SRXN1: variants seen among roughly 807,000 people sequenced by gnomAD.
SRXN1 encodes sulfiredoxin 1, also known as sulfiredoxin-1.
A neutral mutation model predicts 11.0 loss-of-function variants in SRXN1; 11 were observed. The ratio of observed to expected loss-of-function variants is 1.00; its 90% CI spans 0.63 to 1.65. The LOEUF (loss-of-function observed/expected upper bound fraction) is 1.65, where lower values mean the gene tolerates loss of function less well. Among genes scored for constraint, SRXN1 ranks in the 40% most tolerant of loss-of-function variants. SRXN1 has a pLI of 0.00. For synonymous variants in SRXN1, 106 were observed against 92.8 expected, an observed-to-expected ratio of 1.14 and a Z score of -0.82; for missense variants, 211 against 194.5, an observed-to-expected ratio of 1.08 and a Z score of -0.50.
chr20:652,439 T>C (rs1218047267), intron 1 of SRXN1, among the ~76,000 whole-genome samples: 1 of 152,092 alleles, frequency 6.6e-6, no homozygotes, highest in Non-Finnish European at 1.5e-5. Flanking sequence ...CCACTTCCCA[T>C]TCAGACAAGG....
rs995448473 is a variant in SRXN1, at chr20:648,640, G to T, written c.*74C>A. 1.9e-6 allele frequency: 3 copies of T among 1,543,804 alleles called. No individual in the cohort carries two copies. Among genetic ancestry groups the T allele is most frequent in the Non-Finnish European group, 8.9e-7 (1 of 1,120,750 alleles). On this transcript the variant is annotated 3_prime_UTR_variant, in exon 2 of 2. Transcript: ENST00000381962. ...AGAATGCACCCCTGCTATCCCTTCT[G>T]CATGGCCCAGCCTGCTGGAGGCCAG...
chr20:648,880 C>T lies in SRXN1; in HGVS notation c.248G>A (p.Trp83Ter). ...GTCACCTCCCTGGGCCCCTTTGATC[C>T]AGAGGACATCGATGGGGGGCACGCT... ...PDSVPPIDVL[W>*]IKGAQGGDYF... Residue 83 changes from tryptophan to a stop codon, truncating the protein, a stop_gained, in exon 2 of 2, where the codon TGG (tryptophan) becomes TAG (stop). Coordinates refer to ENST00000381962, the MANE Select transcript of SRXN1 (RefSeq NM_080725.3). LOFTEE classifies it high-confidence loss of function. 6.2e-7 allele frequency: 1 copy of T among 1,614,190 alleles called. No individual in the cohort carries two copies. Among genetic ancestry groups the T allele is most frequent in the South Asian group, 1.1e-5 (1 of 91,090 alleles).
In SRXN1 at chr20:647,769, A is replaced by T. The variant is rs766340714; in HGVS notation, c.*945T>A. The T allele has an allele frequency of 8.8e-6, 3 of 341,336 alleles. No homozygotes were observed. Among genetic ancestry groups the T allele is most frequent in the Non-Finnish European group, 1.7e-5 (3 of 174,608 alleles). The allele number at this position is 341,336 out of a possible 1,614,324, so 21.1% of individuals were successfully genotyped here. On this transcript the variant is annotated 3_prime_UTR_variant, in exon 2 of 2. Transcript: ENST00000381962. ...CCAGCCCAAATTGCCAACCCATAGGATTGTGGGAAAATACAGGGTTTGTTT... is the reference window on the plus strand; with the variant it reads ...CCAGCCCAAATTGCCAACCCATAGGTTTGTGGGAAAATACAGGGTTTGTTT...
intron 1 of SRXN1, among the ~76,000 whole-genome samples, chr20:652,458 G>A (rs1382987599): frequency 1.3e-5 from 2 of 152,134 alleles, no homozygotes; most frequent in Non-Finnish European, 2.9e-5. Flanking sequence ...GGGCCTCCCA[G>A]CAGATATGAC....
chr20:652,180 G>A (rs1017293418), intron 1 of SRXN1, among the ~76,000 whole-genome samples: 3 of 152,122 alleles, frequency 2.0e-5, no homozygotes, highest in African/African-American at 7.2e-5. Flanking sequence ...GTTGTCTGGG[G>A]AAGTGGCTCC....
intron 1 of SRXN1, among the ~76,000 whole-genome samples, chr20:650,315 G>A (rs761102794): frequency 2.0e-5 from 3 of 152,200 alleles, no homozygotes; most frequent in Non-Finnish European, 4.4e-5. Context: ...TGGTGTGGTG[G>A]GGACAGGGAG....
In SRXN1 at chr20:648,018, G is replaced by A. The variant is rs1184838161; in HGVS notation, c.*696C>T. 2.2e-6 allele frequency: 1 copy of A among 452,978 alleles called. No homozygotes were observed. Among genetic ancestry groups the A allele is most frequent in the Non-Finnish European group, 4.4e-6 (1 of 224,808 alleles). The allele number at this position is 452,978 out of a possible 1,614,324, so 28.1% of individuals were successfully genotyped here. ...GCAATGGTAGCTGGCTCGGGCCAAG[G>A]GCATCTAAGTGAAGATATGCAGAGG... On this transcript the variant is annotated 3_prime_UTR_variant, in exon 2 of 2. Transcript: ENST00000381962.
chr20:652,624 G>T (rs887980209), intron 1 of SRXN1, among the ~76,000 whole-genome samples: 1 of 152,122 alleles, frequency 6.6e-6, no homozygotes, highest in South Asian at 2.1e-4. Flanking sequence ...TAGTCAAGCC[G>T]CTGAAATCTT....
In SRXN1 at chr20:648,968, T is replaced by C; in HGVS notation, c.211-51A>G. 1.9e-6 allele frequency: 3 copies of C among 1,594,460 alleles called. No individual in the cohort carries two copies. In the South Asian group the frequency reaches 3.3e-5, roughly 18 times the overall value. ...TGGACATGGTACAAGGCTTGAGAGT[T>C]TGTAAAGCAGACTTTGTCCACTTGT... is the stretch of plus-strand genomic sequence containing the variant. On this transcript the variant is annotated intron_variant, in intron 1 of 1. Coordinates refer to ENST00000381962, the MANE Select transcript of SRXN1 (RefSeq NM_080725.3).
At chr20:652,159 C>G (rs1315314135) in intron 1 of SRXN1, among the ~76,000 whole-genome samples, 1 of 152,110 alleles carries the variant, frequency 6.6e-6, no homozygotes, top group Admixed American at 6.5e-5. Flanking sequence ...GGCAGGGGAG[C>G]AGGCCCTGTG....
intron 1 of SRXN1, 40 bp downstream of exon 1, chr20:652,936 A>G: frequency 7.3e-7 from 1 of 1,375,728 alleles, no homozygotes; most frequent in Non-Finnish European, 9.5e-7. Context: ...CCCTCCTCCG[A>G]AGCCCTCCCT....
At chr20:650,475 A>G (rs567375856) in intron 1 of SRXN1, among the ~76,000 whole-genome samples, 65 of 152,292 alleles carry the variant, frequency 4.3e-4, no homozygotes, top group Middle Eastern at 3.4e-3. Flanking sequence ...TCCTCTAAAC[A>G]GGGAAAGTCT....
rs1159797873 is a variant in SRXN1, at chr20:648,330, C to T, written c.*384G>A. The T allele has an allele frequency of 2.1e-6, 1 of 468,130 alleles. No homozygotes were observed. The highest frequency in any genetic ancestry group is 2.3e-5 in the Admixed American group (1 of 42,888). The allele number at this position is 468,130 out of a possible 1,614,324, so 29.0% of individuals were successfully genotyped here. On this transcript the variant is annotated 3_prime_UTR_variant, in exon 2 of 2. Coordinates refer to ENST00000381962, the MANE Select transcript of SRXN1 (RefSeq NM_080725.3). The stretch of plus-strand genomic sequence containing the variant: ...AAAAACAATCTTCTGTTTGTTTAAA[C>T]CACTGCAATCAAGGTTTTCCTTTCC...
rs6139843 is a variant in SRXN1, at chr20:653,051, C to T, written c.135G>A (p.Pro45=). The change falls in exon 1 of 2, where the codon CCG becomes CCA. Residue 45 remains proline, a synonymous_variant. Coordinates refer to ENST00000381962, the MANE Select transcript of SRXN1 (RefSeq NM_080725.3). ...SGRIAAVHNV[P]LSVLIRPLPS... ...GCAGCGGCCGGATGAGCACGCTCAG[C>T]GGCACGTTGTGCACCGCGGCGATGC... The T allele has an allele frequency of 6.4e-7, 1 of 1,559,894 alleles. No homozygotes were observed. The highest frequency in any genetic ancestry group is 2.4e-5 in the East Asian group (1 of 41,338).
rs969706909 is a variant in SRXN1 at position 646,917 on chromosome 20, C to G, written c.*1797G>C. On this transcript the variant is annotated 3_prime_UTR_variant, in exon 2 of 2. Coordinates refer to ENST00000381962, the MANE Select transcript of SRXN1 (RefSeq NM_080725.3). ...CCTTTTCAATTCTATTACTGGTCAC[C>G]TCAGTCAACTTTCCCGGGGAAAGAG... The G allele has an allele frequency of 1.3e-5, 2 of 152,226 alleles. No individual in the cohort carries two copies. The highest frequency in any genetic ancestry group is 2.9e-5 in the Non-Finnish European group (2 of 68,052). The allele number at this position is 152,226 out of a possible 1,614,324, so 9.4% of individuals were successfully genotyped here. A position where few individuals can be genotyped will look rare whatever the true frequency, so the allele number is the denominator to read the frequency against.
chr20:648,506 C>T lies in SRXN1; in HGVS notation c.*208G>A. 1 of 659,640 alleles carries T rather than the reference C, an allele frequency of 1.5e-6. No individual in the cohort carries two copies. The highest frequency in any genetic ancestry group is 2.8e-5 in the East Asian group (1 of 36,072). 40.9% of individuals were successfully genotyped at this position (659,640 alleles called of 1,614,324 possible). A position where few individuals can be genotyped will look rare whatever the true frequency, so the allele number is the denominator to read the frequency against. ...ATGCTTCAAGGGTAAGGCCATGATC[C>T]TATTGTCACAGAGGTGGGAACTGGG... On this transcript the variant is annotated 3_prime_UTR_variant, in exon 2 of 2. Coordinates refer to ENST00000381962, the MANE Select transcript of SRXN1 (RefSeq NM_080725.3).
chr20:650,576 C>G (rs935046253), intron 1 of SRXN1, among the ~76,000 whole-genome samples: 10 of 152,194 alleles, frequency 6.6e-5, no homozygotes, highest in Admixed American at 6.5e-4. Context: ...TCCACGGGTT[C>G]TCTCTCATGA....
chr20:648,607 G>A lies in SRXN1; in HGVS notation c.*107C>T, dbSNP rs1039372651. 1.6e-6 allele frequency: 2 copies of A among 1,282,690 alleles called. No individual in the cohort carries two copies. Among genetic ancestry groups the A allele is most frequent in the Non-Finnish European group, 2.2e-6 (2 of 898,074 alleles). 79.5% of individuals were successfully genotyped at this position (1,282,690 alleles called of 1,614,324 possible). On this transcript the variant is annotated 3_prime_UTR_variant, in exon 2 of 2. Transcript: ENST00000381962. ...GCCCAGAGTCAGACCCTCTCGCCAGGTGCAAAGAGAATGCACCCCTGCTAT... is the reference window on the plus strand; with the variant it reads ...GCCCAGAGTCAGACCCTCTCGCCAGATGCAAAGAGAATGCACCCCTGCTAT...
chr20:648,593 G>C lies in SRXN1; in HGVS notation c.*121C>G, dbSNP rs1983594480. The stretch of plus-strand genomic sequence containing the variant: ...CTGGTGAGAGGGGTGCCCAGAGTCA[G>C]ACCCTCTCGCCAGGTGCAAAGAGAA... On this transcript the variant is annotated 3_prime_UTR_variant, in exon 2 of 2. Coordinates refer to ENST00000381962, the MANE Select transcript of SRXN1 (RefSeq NM_080725.3). 3.5e-6 allele frequency: 4 copies of C among 1,147,324 alleles called. No individual in the cohort carries two copies. The South Asian group carries it at 4.2e-5, about 12-fold the overall frequency. 71.1% of individuals were successfully genotyped at this position (1,147,324 alleles called of 1,614,324 possible).
Sources: allele counts gnomAD v4.1 joint callset (sites outside exome capture counted in the v4.1 genomes callset), GRCh38; gene constraint gnomAD v4.1.1; transcripts MANE v1.5; gene names NCBI Gene and HGNC (gene_info 2026-07-23, HGNC 2026-07-21).